The following SLC9B1 variants were observed in gnomAD, a reference collection of about 807,000 sequenced individuals.
SLC9B1 encodes solute carrier family 9 member B1.
Under a neutral mutation model 51.7 loss-of-function variants are expected in SLC9B1, and 32 were observed. The observed-to-expected ratio is 0.62, with a 90% CI of 0.47 to 0.83. SLC9B1 has a LOEUF of 0.83. SLC9B1 is among the 40% of genes least tolerant of loss of function. SLC9B1 has a pLI of 0.00. For missense variants in SLC9B1, 406 were observed against 613.2 expected (o/e 0.66, Z 3.57); for synonymous variants, 145 against 212.7 (o/e 0.68, Z 2.77).
At chr4:102,922,323 CA>C (rs1435746743) in intron 7 of SLC9B1, among the ~76,000 whole-genome samples, 7 of 152,042 alleles carry the variant, frequency 4.6e-5, no homozygotes, top group African/African-American at 1.7e-4. Flanking sequence ...GGGTAAATAA[CA>C]AAATGAAGGC....
downstream of SLC9B1, chr4:102,897,352 C>T (rs1437709922): frequency 1.9e-5 from 3 of 155,664 alleles, no homozygotes; most frequent in African/African-American, 7.2e-5. Context: ...GTATGTTTCT[C>T]CTCTCCAGAG....
chr4:102,938,265 A>G (rs1736820775), intron 6 of SLC9B1, among the ~76,000 whole-genome samples: 1 of 152,240 alleles, frequency 6.6e-6, no homozygotes, highest in African/African-American at 2.4e-5. Context: ...ACAACAATCA[A>G]AAAGACAAAG....
intron 1 of SLC9B1, among the ~76,000 whole-genome samples, chr4:103,018,173 T>A (rs1468762642): frequency 2.6e-5 from 4 of 152,146 alleles, no homozygotes; most frequent in Non-Finnish European, 5.9e-5. Flanking sequence ...CAAAAATAAG[T>A]ACAAAATGAG....
intron 6 of SLC9B1, among the ~76,000 whole-genome samples, chr4:102,940,456 T>A (rs1230168968): frequency 6.6e-6 from 1 of 152,100 alleles, no homozygotes; most frequent in African/African-American, 2.4e-5. Context: ...GTCAATGCTA[T>A]TCCTATCATA....
chr4:102,990,186 T>C (rs1739877370), intron 2 of SLC9B1, among the ~76,000 whole-genome samples: 2 of 152,012 alleles, frequency 1.3e-5, no homozygotes. Flanking sequence ...ATCATTTGTG[T>C]ATACTGAATA....
chr4:102,915,552 A>C (rs1182443549), intron 7 of SLC9B1, among the ~76,000 whole-genome samples: 1 of 152,036 alleles, frequency 6.6e-6, no homozygotes, highest in Non-Finnish European at 1.5e-5. Context: ...GCACCACCAC[A>C]CTCAGATAAT....
intron 3 of SLC9B1, among the ~76,000 whole-genome samples, chr4:102,959,443 C>T (rs1415845942): frequency 1.3e-5 from 2 of 152,142 alleles, no homozygotes; most frequent in Admixed American, 6.6e-5. Flanking sequence ...ACATTGCAAT[C>T]TGTTAAGATG....
intron 7 of SLC9B1, among the ~76,000 whole-genome samples, chr4:102,924,960 G>C (rs1736082083): frequency 6.6e-6 from 1 of 152,158 alleles, no homozygotes; most frequent in Non-Finnish European, 1.5e-5. Context: ...GTTGGTGGGA[G>C]TGTAAACTAG....
At chr4:102,885,840 A>G (rs1733882692) in intron 11 of SLC9B1, among the ~76,000 whole-genome samples, 1 of 152,208 alleles carries the variant, frequency 6.6e-6, no homozygotes, top group Admixed American at 6.5e-5. Context: ...TTTTAACCTG[A>G]TACATCCACA....
chr4:102,943,158 C>CAAAAAAAAAAAAAAAAAAA (rs1475762867), intron 6 of SLC9B1, among the ~76,000 whole-genome samples: 2 of 111,362 alleles, frequency 1.8e-5, no homozygotes, highest in African/African-American at 6.8e-5. Context: ...TAGCCATAAT[C>CAAAAAAAAAAAAAAAAAAA]AAAAAAATAA....
chr4:102,982,360 T>C (rs1174202472), intron 3 of SLC9B1, among the ~76,000 whole-genome samples: 1 of 152,118 alleles, frequency 6.6e-6, no homozygotes, highest in African/African-American at 2.4e-5. Context: ...TTTGTTTCTC[T>C]CTTTCAATGT....
chr4:102,947,984 G>A (rs1160811295), intron 4 of SLC9B1, among the ~76,000 whole-genome samples: 7 of 152,012 alleles, frequency 4.6e-5, no homozygotes, highest in African/African-American at 9.7e-5. Flanking sequence ...TGGTTATAGC[G>A]GTGATGGTTA....
intron 7 of SLC9B1, among the ~76,000 whole-genome samples, chr4:102,928,709 A>T (rs146402951): frequency 0.017 from 2,534 of 152,198 alleles, 70 homozygotes; most frequent in African/African-American, 0.055. Context: ...CACCATCACA[A>T]AGTGAAGTCC....
intron 7 of SLC9B1, among the ~76,000 whole-genome samples, chr4:102,928,440 G>T (rs1255165152): frequency 6.6e-6 from 1 of 152,158 alleles, no homozygotes; most frequent in Non-Finnish European, 1.5e-5. Context: ...ACTATCAGCA[G>T]TTCGGTCAAA....
chr4:102,890,806 C>CAATAAG (rs1327456037), intron 11 of SLC9B1: 2 of 128,394 alleles, frequency 1.6e-5, no homozygotes, highest in African/African-American at 6.5e-5. Flanking sequence ...TGCCACTGCA[C>CAATAAG]TCCAGCCTGG....
intron 3 of SLC9B1, among the ~76,000 whole-genome samples, chr4:102,966,147 T>A (rs1293288103): frequency 6.6e-6 from 1 of 152,228 alleles, no homozygotes; most frequent in Non-Finnish European, 1.5e-5. Context: ...GGAGTCCCAG[T>A]GGTGGTCCAC....
chr4:102,924,250 C>T (rs960530296), intron 7 of SLC9B1, among the ~76,000 whole-genome samples: 18 of 152,100 alleles, frequency 1.2e-4, no homozygotes, highest in Non-Finnish European at 2.1e-4. Context: ...AGAAATAATA[C>T]GACACATCTA....
chr4:102,992,089 C>A (rs1010473339), intron 1 of SLC9B1, among the ~76,000 whole-genome samples: 2 of 152,084 alleles, frequency 1.3e-5, no homozygotes, highest in Non-Finnish European at 2.9e-5. Flanking sequence ...TTACATAAAA[C>A]ACTCCAGAAA....
At chr4:102,993,960 C>A (rs1033037704) in intron 1 of SLC9B1, among the ~76,000 whole-genome samples, 10 of 152,102 alleles carry the variant, frequency 6.6e-5, no homozygotes, top group Admixed American at 6.5e-4. Flanking sequence ...GCAGGGTGAC[C>A]CTGGGCCTGG....
Sources: gnomAD v4.1 joint callset for allele counts (sites outside exome capture counted in the v4.1 genomes callset) on GRCh38, gnomAD v4.1.1 for gene constraint, MANE v1.5 for transcripts, NCBI Gene and HGNC (gene_info 2026-07-23, HGNC 2026-07-21) for gene names.